Variants in NAALADL2 observed in about 807,000 individuals in gnomAD.
NAALADL2 encodes N-acetylated alpha-linked acidic dipeptidase like 2.
Under a neutral mutation model 87.2 loss-of-function variants are expected in NAALADL2, and 76 were observed. That is an observed-to-expected ratio of 0.87 (90% CI 0.72 to 1.05). The LOEUF is 1.05. Among genes scored for constraint, NAALADL2 ranks in the 50% least tolerant of loss-of-function variants. The probability of loss-of-function intolerance (pLI) is 0.00; values close to 1 mark genes in which losing one functional copy is unlikely to be tolerated. For synonymous variants in NAALADL2, 354 were observed against 331.0 expected, an observed-to-expected ratio of 1.07 and a Z score of -0.75; for missense variants, 1,089 against 945.8, an observed-to-expected ratio of 1.15 and a Z score of -1.99.
intron 3 of NAALADL2, among the ~76,000 whole-genome samples, chr3:174,829,097 TTTGTTGTTG>T (rs143504378): frequency 1.1e-4 from 16 of 150,380 alleles, no homozygotes; most frequent in East Asian, 4.1e-4. Flanking sequence ...TCTGTTTTTT[TTTGTTGTTG>T]TTGTTGTTGT....
intron 9 of NAALADL2, among the ~76,000 whole-genome samples, chr3:175,520,454 G>A (rs894394251): frequency 5.3e-5 from 8 of 151,168 alleles, no homozygotes; most frequent in Non-Finnish European, 1.0e-4. Flanking sequence ...GCCCGCCACC[G>A]CGCCCGGCTA....
rs183378377 is a variant in NAALADL2 at position 175,796,678 on chromosome 3, G to A, written c.2190-6327G>A. ...AGCAACAATTGTATGAAATTTAGCT[G>A]AACTTTTCTCTCTGCATTCAGCATG... On this transcript the variant is annotated intron_variant, in intron 13 of 13. Transcript: ENST00000454872. Among the ~76,000 whole-genome samples the A allele has an allele frequency of 6.7e-4, 102 of 152,264 alleles. 1 individual carries two copies. The highest frequency in any genetic ancestry group is 2.3e-3 in the African/African-American group (96 of 41,548).
chr3:174,928,520 G>T (rs957432952), intron 1 of NAALADL2, among the ~76,000 whole-genome samples: 2 of 152,132 alleles, frequency 1.3e-5, no homozygotes, highest in African/African-American at 4.8e-5. Context: ...TATTACAGGC[G>T]TGAGCCACCG....
intron 3 of NAALADL2, among the ~76,000 whole-genome samples, chr3:174,774,081 A>T (rs1714908029): frequency 6.6e-6 from 1 of 151,906 alleles, no homozygotes. Context: ...TACTCTTTTC[A>T]CTATCCCACT....
chr3:174,905,835 A>G (rs1732890347), intron 1 of NAALADL2, among the ~76,000 whole-genome samples: 1 of 152,060 alleles, frequency 6.6e-6, no homozygotes, highest in African/African-American at 2.4e-5. Flanking sequence ...TGAGACATCA[A>G]AATTATCTGG....
chr3:175,565,206 A>G (rs1560766839), intron 9 of NAALADL2, among the ~76,000 whole-genome samples: 1 of 152,154 alleles, frequency 6.6e-6, no homozygotes, highest in East Asian at 1.9e-4. Flanking sequence ...TCCATTCACT[A>G]TTCTTATGTC....
At chr3:175,507,270 A>C (rs1582175604) in intron 9 of NAALADL2, among the ~76,000 whole-genome samples, 1 of 152,300 alleles carries the variant, frequency 6.6e-6, no homozygotes, top group Admixed American at 6.5e-5. Context: ...CTCTTCAGAT[A>C]GTATCCAATT....
At chr3:175,666,410 A>G (rs537431576) in intron 11 of NAALADL2, among the ~76,000 whole-genome samples, 1 of 152,254 alleles carries the variant, frequency 6.6e-6, no homozygotes, top group South Asian at 2.1e-4. Flanking sequence ...AGAGCATGTG[A>G]ATTTGTTGTC....
At chr3:175,304,100 A>G (rs540984045) in intron 4 of NAALADL2, among the ~76,000 whole-genome samples, 1 of 152,274 alleles carries the variant, frequency 6.6e-6, no homozygotes, top group East Asian at 1.9e-4. Flanking sequence ...CAATTTCAAG[A>G]CAAAGTAATC....
At chr3:174,958,207 T>G (rs1048311100) in intron 1 of NAALADL2, among the ~76,000 whole-genome samples, 1 of 151,158 alleles carries the variant, frequency 6.6e-6, no homozygotes, top group Non-Finnish European at 1.5e-5. Context: ...CTAATCAATT[T>G]ATATATATAA....
intron 2 of NAALADL2, among the ~76,000 whole-genome samples, chr3:174,607,384 G>C (rs994022956): frequency 8.6e-5 from 13 of 151,568 alleles, no homozygotes; most frequent in African/African-American, 3.2e-4. Context: ...TTTGGATAAA[G>C]AGTCAAGACC....
intron 5 of NAALADL2, among the ~76,000 whole-genome samples, chr3:175,386,852 G>A (rs1162079089): frequency 2.0e-5 from 3 of 152,006 alleles, no homozygotes; most frequent in Non-Finnish European, 2.9e-5. Flanking sequence ...CCCAGTGCTC[G>A]TGTTCAGGCC....
chr3:174,999,355 C>G (rs1448339398), intron 1 of NAALADL2, among the ~76,000 whole-genome samples: 1 of 152,092 alleles, frequency 6.6e-6, no homozygotes, highest in Non-Finnish European at 1.5e-5. Context: ...TCAATTTCTT[C>G]TATAAATATT....
chr3:175,607,913 G>GCACACACACACGCA (rs1553931901), intron 10 of NAALADL2, among the ~76,000 whole-genome samples: 1 of 149,094 alleles, frequency 6.7e-6, no homozygotes, highest in African/African-American at 2.5e-5. Flanking sequence ...ACACACACAC[G>GCACACACACACGCA]CACACACACG....
At chr3:175,672,083 A>T (rs1582846663) in intron 11 of NAALADL2, among the ~76,000 whole-genome samples, 1 of 152,152 alleles carries the variant, frequency 6.6e-6, no homozygotes, top group Admixed American at 6.6e-5. Flanking sequence ...TTCAGGACTT[A>T]AACATAACTT....
At chr3:174,588,604 C>G (rs1227992879) in intron 2 of NAALADL2, among the ~76,000 whole-genome samples, 1 of 152,158 alleles carries the variant, frequency 6.6e-6, no homozygotes, top group African/African-American at 2.4e-5. Context: ...CTGTCAGGAC[C>G]CTCAGCTGCA....
Position 175,365,006 on chromosome 3 carries a change from C to A in NAALADL2, c.1090+40681C>A, listed in dbSNP as rs551235709. On this transcript the variant is annotated intron_variant, in intron 5 of 13. Transcript: ENST00000454872. ...CTGTTAGTGTATGAAAATAATCTTT[C>A]TCTTAAATTGTCAAAGGAGAATTAT... Among the ~76,000 whole-genome samples the A allele has an allele frequency of 5.4e-4, 80 of 147,474 alleles. 4 individuals are homozygous for A. The highest frequency in any genetic ancestry group is 9.6e-4 in the Non-Finnish European group (64 of 66,358).
intron 1 of NAALADL2, among the ~76,000 whole-genome samples, chr3:174,543,058 G>A (rs537816405): frequency 1.3e-5 from 2 of 152,278 alleles, no homozygotes; most frequent in South Asian, 2.1e-4. Context: ...ACTTTAGCAG[G>A]TAACGTCAGG....
At chr3:175,458,783 A>T (rs1722695281) in intron 6 of NAALADL2, among the ~76,000 whole-genome samples, 2 of 152,004 alleles carry the variant, frequency 1.3e-5, no homozygotes, top group Non-Finnish European at 2.9e-5. Context: ...AACCCTAGGC[A>T]CTGGTACATA....
Sources: gnomAD v4.1 joint callset for allele counts (sites outside exome capture counted in the v4.1 genomes callset) on GRCh38, gnomAD v4.1.1 for gene constraint, MANE v1.5 for transcripts, NCBI Gene and HGNC (gene_info 2026-07-23, HGNC 2026-07-21) for gene names.